The following HDAC5 variants were observed in gnomAD, a reference collection of about 807,000 sequenced individuals.
The protein encoded by HDAC5 is histone deacetylase 5, also known as antigen NY-CO-9.
A neutral mutation model predicts 133.3 loss-of-function variants in HDAC5; 25 were observed. The ratio of observed to expected loss-of-function variants is 0.19; its 90% confidence interval spans 0.14 to 0.26. The LOEUF is 0.26. Among genes scored for constraint, HDAC5 ranks in the 10% least tolerant of loss-of-function variants. The pLI is 1.00. For missense variants in HDAC5, 1,041 were observed against 1,460.5 expected, an observed-to-expected ratio of 0.71 and a Z score of 4.68; for synonymous variants, 589 against 610.8, an observed-to-expected ratio of 0.96 and a Z score of 0.53.
In HDAC5 at chr17:44,087,099, G is replaced by C. The variant is rs115207064; in HGVS notation, c.1884+313C>G. 5.9e-3 allele frequency among the ~76,000 whole-genome samples: 896 copies of C among 151,714 alleles called. 5 individuals are homozygous for C. The highest frequency in any genetic ancestry group is 0.02 in the African/African-American group (810 of 41,376). The stretch of plus-strand genomic sequence containing the variant: ...CAGTAGTAACAGCGGGGGCGTGTGT[G>C]TACACACACGCACAGGCACGCACAG... On this transcript the variant is annotated intron_variant, in intron 13 of 26. Transcript: ENST00000682912.
At chr17:44,111,123 C>T (rs749912009) in intron 2 of HDAC5, 13 of 434,230 alleles carry the variant, frequency 3.0e-5, no homozygotes, top group Middle Eastern at 3.4e-4. Context: ...TGGGGTATGG[C>T]TGAGCACTTG....
chr17:44,101,885 G>T (rs431385), intron 3 of HDAC5, among the ~76,000 whole-genome samples: 3 of 152,100 alleles, frequency 2.0e-5, no homozygotes, highest in African/African-American at 7.2e-5. Context: ...AGATGAGGTA[G>T]GGGGAGGGGG....
In HDAC5 at chr17:44,088,510, G is replaced by A. The variant is rs767537659; in HGVS notation, c.1476C>T (p.Pro492=). The A allele has an allele frequency of 6.2e-7, 1 of 1,613,288 alleles. No individual in the cohort carries two copies. Among genetic ancestry groups the A allele is most frequent in the Non-Finnish European group, 8.5e-7 (1 of 1,179,912 alleles). ...GCGGTGAGGACTGAGTGCGGCTCAGGGGCCGATGCCGCGGGAGCTTGCCTA... is the reference window on the plus strand; with the variant it reads ...GCGGTGAGGACTGAGTGCGGCTCAGAGGCCGATGCCGCGGGAGCTTGCCTA... ...RTVGKLPRHR[P]LSRTQSSPLP... Residue 492 remains proline, a synonymous_variant, in exon 12 of 27, where the codon CCC becomes CCT. Transcript: ENST00000682912.
intron 20 of HDAC5, 134 bp downstream of exon 20, chr17:44,082,451 C>G: frequency 1.5e-6 from 1 of 680,294 alleles, no homozygotes; most frequent in South Asian, 1.8e-5. Flanking sequence ...CTTCCTTCTG[C>G]ACCCACACCC....
intron 2 of HDAC5, among the ~76,000 whole-genome samples, chr17:44,111,994 G>A (rs2052375152): frequency 6.6e-6 from 1 of 152,136 alleles, no homozygotes; most frequent in East Asian, 1.9e-4. Flanking sequence ...CATTAATTCT[G>A]CGTGGTGACC....
rs745356795 is a variant in HDAC5, at chr17:44,092,818, G to A, written c.642-12C>T. 7 of 852,520 alleles carry A rather than the reference G, an allele frequency of 8.2e-6. No individual in the cohort carries two copies. The highest frequency in any genetic ancestry group is 2.6e-5 in the East Asian group (1 of 38,592). The allele number at this position is 852,520 out of a possible 1,614,324, so 52.8% of individuals were successfully genotyped here. ...CATGGTGGGCTCCCCTGGGGTGGGG[G>A]GGGGGTGGGGATGGAAGCAGATCTA... On this transcript the variant is annotated splice_polypyrimidine_tract_variant and intron_variant, in intron 6 of 26. Transcript: ENST00000682912.
intron 3 of HDAC5, among the ~76,000 whole-genome samples, chr17:44,108,752 AAAAAAAAAACAAAAAAAAAAC>A (rs1249618108): frequency 1.1e-5 from 1 of 89,302 alleles, no homozygotes; most frequent in Non-Finnish European, 2.5e-5. Context: ...TCCAGAGTCC[AAAAAAAAAACAAAAAAAAAAC>A]AAAAAAAAAA....
chr17:44,102,229 T>C (rs2051658038), intron 3 of HDAC5, among the ~76,000 whole-genome samples: 2 of 152,236 alleles, frequency 1.3e-5, no homozygotes, highest in African/African-American at 4.8e-5. Context: ...CATGAGGACG[T>C]ATCTACCCAG....
At position 44,092,706 on chromosome 17, in the gene HDAC5, T is replaced by C; in HGVS notation, c.742A>G (p.Ser248Gly). Residue 248 changes from serine to glycine, a missense_variant, in exon 7 of 27, where the codon AGT becomes GGT. Physicochemically the swap from Ser to Gly is moderately conservative, Grantham distance 56. Around this residue, in one of 9 missense-constraint regions of HDAC5, gnomAD observed 56 missense variants for 41.3 expected, o/e 1.36. Transcript: ENST00000682912. The stretch of plus-strand genomic sequence containing the variant: ...TTGCGGAGGGGGAAGTCGTCTCGAC[T>C]GTCGTAGGGCCCAGGCAAAGGCAGT... ...YKLPLPGPYDSRDDFPLRKTA... is the reference protein window; with the variant it reads ...YKLPLPGPYDGRDDFPLRKTA... 1 of 1,510,668 alleles carries C rather than the reference T, an allele frequency of 6.6e-7. No individual in the cohort carries two copies. The highest frequency in any genetic ancestry group is 8.9e-7 in the Non-Finnish European group (1 of 1,128,976). The allele number at this position is 1,510,668 out of a possible 1,614,324, so 93.6% of individuals were successfully genotyped here.
intron 3 of HDAC5, among the ~76,000 whole-genome samples, chr17:44,096,901 T>C (rs2051307587): frequency 6.6e-6 from 1 of 151,852 alleles, no homozygotes; most frequent in Non-Finnish European, 1.5e-5. Flanking sequence ...TTTGTATTTT[T>C]AGTAGAAACG....
chr17:44,093,985 C>A lies in HDAC5; in HGVS notation c.95-151G>T, dbSNP rs917965550. On this transcript the variant is annotated intron_variant, in intron 3 of 26. Coordinates refer to ENST00000682912, the MANE Select transcript of HDAC5 (RefSeq NM_005474.5). ...AAATCCCTCTGCTCCATGGATGCAA[C>A]ATTTTACCTTAATTAAATGAGGCTG... is the stretch of plus-strand genomic sequence containing the variant. 3.1e-5 allele frequency: 32 copies of A among 1,036,976 alleles called. No homozygotes were observed. The African/African-American group carries it at 4.4e-4, about 14-fold the overall frequency. 64.2% of individuals were successfully genotyped at this position (1,036,976 alleles called of 1,614,324 possible). A position where few individuals can be genotyped will look rare whatever the true frequency, so the allele number is the denominator to read the frequency against.
intron 3 of HDAC5, among the ~76,000 whole-genome samples, chr17:44,096,097 C>T (rs770398187): frequency 6.6e-6 from 1 of 152,136 alleles, no homozygotes; most frequent in Non-Finnish European, 1.5e-5. Flanking sequence ...ACTGGGCAAA[C>T]ACCACACCAG....
chr17:44,090,721 G>A (rs935541888), intron 11 of HDAC5, among the ~76,000 whole-genome samples: 11 of 151,656 alleles, frequency 7.3e-5, no homozygotes, highest in Non-Finnish European at 1.3e-4. Flanking sequence ...GGAGTCTCAC[G>A]CTCTGTGCCC....
chr17:44,078,946 C>A (rs1219610656), intron 24 of HDAC5, 67 bp from the exon 25 acceptor site: 3 of 1,540,730 alleles, frequency 1.9e-6, no homozygotes, highest in African/African-American at 2.7e-5. Flanking sequence ...CCTCTAACTG[C>A]CCCACTCAGC....
Position 44,082,672 on chromosome 17 carries a change from C to G in HDAC5, c.2520G>C (p.Met840Ile). The change falls in exon 20 of 27, where the codon ATG becomes ATC. Residue 840 changes from methionine to isoleucine, a missense_variant and splice_region_variant. By Grantham distance (10) the Met-to-Ile change is conservative. Coordinates refer to ENST00000682912, the MANE Select transcript of HDAC5 (RefSeq NM_005474.5). ...CTACAGAGTTGAAGAAGCAGAATCC[C>G]CTGAGGAGGGGAGAAAAGGGCAGGA... ...PGHHAEESTA[M>I]GFCFFNSVAI... The G allele has an allele frequency of 6.2e-7, 1 of 1,613,976 alleles. No individual in the cohort carries two copies. Among genetic ancestry groups the G allele is most frequent in the Non-Finnish European group, 8.5e-7 (1 of 1,179,914 alleles).
At chr17:44,100,354 G>GCCT (rs2051515817) in intron 3 of HDAC5, among the ~76,000 whole-genome samples, 1 of 151,996 alleles carries the variant, frequency 6.6e-6, no homozygotes, top group Non-Finnish European at 1.5e-5. Context: ...GAAGCCCTGG[G>GCCT]GGGAGGGAGC....
chr17:44,096,882 T>C (rs1350521008), intron 3 of HDAC5, among the ~76,000 whole-genome samples: 1 of 151,120 alleles, frequency 6.6e-6, no homozygotes, highest in Non-Finnish European at 1.5e-5. Context: ...CCACCAGGCC[T>C]AGCTAATTTT....
intron 2 of HDAC5, among the ~76,000 whole-genome samples, chr17:44,112,707 G>A (rs2052417578): frequency 6.6e-6 from 1 of 152,200 alleles, no homozygotes; most frequent in Non-Finnish European, 1.5e-5. Flanking sequence ...CTCAGGCTGG[G>A]AGTGGGAGGA....
Position 44,094,043 on chromosome 17 carries a change from G to A in HDAC5, c.95-209C>T, listed in dbSNP as rs112440239. ...GAACTTCAATAGGAAAATACAGGCT[G>A]AGCACGGTGGCTCACACCTGTAATC... is the stretch of plus-strand genomic sequence containing the variant. On this transcript the variant is annotated intron_variant, in intron 3 of 26. Transcript: ENST00000682912. Among the ~76,000 whole-genome samples, 16 of 152,316 alleles carry A rather than the reference G, an allele frequency of 1.1e-4. 1 individual carries two copies. Among genetic ancestry groups the A allele is most frequent in the African/African-American group, 3.8e-4 (16 of 41,572 alleles).
Sources: gnomAD v4.1 joint callset for allele counts (sites outside exome capture counted in the v4.1 genomes callset) on GRCh38, gnomAD v4.1.1 for gene constraint, gnomAD v4.1.1 regional missense constraint, MANE v1.5 for transcripts, NCBI Gene and HGNC (gene_info 2026-07-23, HGNC 2026-07-21) for gene names.